The following ACAN variants were observed in gnomAD, a reference collection of about 807,000 sequenced individuals.
ACAN encodes the protein aggrecan core protein.
In ACAN, 47 loss-of-function variants were observed where a neutral mutation model predicts 169.1. The observed-to-expected ratio is 0.28, with a 90% CI of 0.22 to 0.35. The LOEUF is 0.35. Ranked by LOEUF, ACAN falls within the 10% of genes least tolerant of loss-of-function variation. The probability of loss-of-function intolerance (pLI) is 1.00; values close to 1 mark genes in which losing one functional copy is unlikely to be tolerated. For synonymous variants in ACAN, 1,115 were observed against 1,112.2 expected (o/e 1.00, Z -0.05); for missense variants, 2,716 against 2,759.9 (o/e 0.98, Z 0.36).
chr15:88,841,605 A>G, intron 4 of ACAN, 135 bp from the exon 5 acceptor site: 1 of 1,142,770 alleles, frequency 8.8e-7, no homozygotes, highest in Non-Finnish European at 1.3e-6. Context: ...TAGGCAGTTG[A>G]CATATTCAGA....
chr15:88,840,055 C>T lies in ACAN; in HGVS notation c.498C>T (p.Leu166=), dbSNP rs1338830657. ...HYRAISTRYT[L]DFDRAQRACL... is the part of the protein sequence containing the mutation. ...GAGCCATCTCTACACGCTACACCCT[C>T]GACTTTGACAGGGCGCAGCGGGCCT... Residue 166 remains leucine (L), a synonymous_variant, in exon 4 of 19, where the codon CTC becomes CTT. Transcript: ENST00000560601. The T allele has an allele frequency of 1.0e-5, 16 of 1,602,994 alleles. No individual in the cohort carries two copies. The highest frequency in any genetic ancestry group is 3.4e-5 in the Admixed American group (2 of 58,692).
chr15:88,871,548 C>T lies in ACAN; in HGVS notation c.7219+8C>T, dbSNP rs1395388215. 23 of 1,607,340 alleles carry T rather than the reference C, an allele frequency of 1.4e-5. No individual in the cohort carries two copies. In the Admixed American group the frequency reaches 1.7e-4, roughly 12 times the overall value. Reference sequence around the variant, plus strand: ...AGCAGGAGTTTGTCAACAGTGAGTGCGGCGGGGCCTCTGGAGCCTGAGAGG... The same window carrying T: ...AGCAGGAGTTTGTCAACAGTGAGTGTGGCGGGGCCTCTGGAGCCTGAGAGG... On this transcript the variant is annotated splice_region_variant and intron_variant, in intron 15 of 18. Transcript: ENST00000560601. This position sits in a 1 kb window ranked among gnomAD's most constrained non-coding sequence, Gnocchi z 7.8.
chr15:88,812,173 C>T (rs1003487299), intron 1 of ACAN, among the ~76,000 whole-genome samples: 3 of 152,136 alleles, frequency 2.0e-5, no homozygotes, highest in Non-Finnish European at 4.4e-5. Flanking sequence ...TCCCCATCTG[C>T]CCTCTTCTCT....
At position 88,849,493 on chromosome 15, in the gene ACAN, G is replaced by A; in HGVS notation, c.1788G>A (p.Glu596=). ...LEQFTFQEAL[E]FCESHNATLA... ...AGTTCACCTTCCAGGAAGCACTGGA[G>A]TTCTGTGAATCTCACAATGCTACGC... Residue 596 remains glutamate (E), a synonymous_variant, in exon 10 of 19, where the codon GAG becomes GAA. Transcript: ENST00000560601. The surrounding 1 kb of genome is among the most constrained non-coding windows in gnomAD (Gnocchi z 5.1). 4 of 1,607,700 alleles carry A rather than the reference G, an allele frequency of 2.5e-6. No homozygotes were observed. The highest frequency in any genetic ancestry group is 3.3e-4 in the Middle Eastern group (2 of 6,018).
At position 88,858,496 on chromosome 15, in the gene ACAN, G is replaced by A. The variant is rs982360973; in HGVS notation, c.5911G>A (p.Ala1971Thr). The A allele has an allele frequency of 3.1e-6, 5 of 1,613,682 alleles. No individual in the cohort carries two copies. In the African/African-American group the frequency reaches 6.7e-5, roughly 22 times the overall value. The change falls in exon 12 of 19, where the codon GCA (alanine) becomes ACA (threonine). Residue 1971 changes from alanine (A) to threonine (T), a missense_variant. Transcript: ENST00000560601. This position sits in a 1 kb window ranked among gnomAD's most constrained non-coding sequence, Gnocchi z 4.0. ...ILELSGAHSGAPDMSGEHSGF... is the reference protein window; with the variant it reads ...ILELSGAHSGTPDMSGEHSGF... ...AGAACTCAGTGGTGCTCATTCTGGA[G>A]CACCAGACATGTCTGGGGAGCATTC...
rs1234954226 is a variant in ACAN at position 88,807,094 on chromosome 15, T to C, written c.-8+3285T>C. Among the ~76,000 whole-genome samples, 2 of 152,138 alleles carry C rather than the reference T, an allele frequency of 1.3e-5. No homozygotes were observed. Among genetic ancestry groups the C allele is most frequent in the African/African-American group, 2.4e-5 (1 of 41,422 alleles). On this transcript the variant is annotated intron_variant, in intron 1 of 18. Transcript: ENST00000560601. This position sits in a 1 kb window ranked among gnomAD's most constrained non-coding sequence, Gnocchi z 4.0. ...TGTTTCTGTCTCAGAAATTTCAGCA[T>C]TGTGGCCCTAGGTGGCAGGTGCTGG...
intron 9 of ACAN, among the ~76,000 whole-genome samples, chr15:88,848,853 G>A (rs1271485092): frequency 6.6e-6 from 1 of 152,178 alleles, no homozygotes; most frequent in African/African-American, 2.4e-5. Context: ...GTTTTTTTGA[G>A]TATTAAATGA....
rs772978689 is a variant in ACAN at position 88,849,468 on chromosome 15, A to G, written c.1763A>G (p.Gln588Arg). Residue 588 changes from glutamine (Q) to arginine (R), a missense_variant, in exon 10 of 19, where the codon CAG becomes CGG. By Grantham distance (43) the Gln-to-Arg change is conservative (BLOSUM62 1). Coordinates refer to ENST00000560601, the MANE Select transcript of ACAN (RefSeq NM_001369268.1). The surrounding 1 kb of genome is among the most constrained non-coding windows in gnomAD (Gnocchi z 5.1). Reference sequence around the variant, plus strand: ...GTGTTCTTCGCCACACGCCTTGAGCAGTTCACCTTCCAGGAAGCACTGGAG... The same window carrying G: ...GTGTTCTTCGCCACACGCCTTGAGCGGTTCACCTTCCAGGAAGCACTGGAG... ...GEVFFATRLE[Q>R]FTFQEALEFC... is the part of the protein sequence containing the mutation. 3.7e-6 allele frequency: 6 copies of G among 1,603,952 alleles called. No homozygotes were observed. The highest frequency in any genetic ancestry group is 4.3e-6 in the Non-Finnish European group (5 of 1,173,448).
At position 88,872,466 on chromosome 15, in the gene ACAN, G is replaced by A. The variant is rs1386944378; in HGVS notation, c.7302+381G>A. On this transcript the variant is annotated intron_variant, in intron 16 of 18. Coordinates refer to ENST00000560601, the MANE Select transcript of ACAN (RefSeq NM_001369268.1). The surrounding 1 kb of genome is among the most constrained non-coding windows in gnomAD (Gnocchi z 5.4). The stretch of plus-strand genomic sequence containing the variant: ...ACCCAGTGATTCTCTTTGTCCTGAA[G>A]CAAGGCTGGAAGGATAAGTCTTGGG... Among the ~76,000 whole-genome samples, 1 of 152,196 alleles carries A rather than the reference G, an allele frequency of 6.6e-6. No individual in the cohort carries two copies. Among genetic ancestry groups the A allele is most frequent in the Non-Finnish European group, 1.5e-5 (1 of 68,030 alleles).
intron 1 of ACAN, among the ~76,000 whole-genome samples, chr15:88,806,346 G>C (rs937584688): frequency 1.6e-5 from 2 of 122,904 alleles, no homozygotes; most frequent in Non-Finnish European, 3.4e-5. Context: ...CTAACTTTTG[G>C]TGTGAATTTT....
intron 1 of ACAN, among the ~76,000 whole-genome samples, chr15:88,805,268 G>T (rs1447090070): frequency 1.3e-5 from 2 of 152,142 alleles, no homozygotes; most frequent in East Asian, 3.9e-4. Context: ...TCAATCACAG[G>T]CTCCAGGGAG....
intron 5 of ACAN, 47 bp downstream of exon 5, chr15:88,841,914 C>G (rs1334911713): frequency 6.2e-6 from 10 of 1,609,692 alleles, no homozygotes. Flanking sequence ...CTTCCCAAGG[C>G]CACCTTCCCC....
At position 88,838,933 on chromosome 15, in the gene ACAN, G is replaced by T; in HGVS notation, c.341G>T (p.Ser114Ile). The T allele has an allele frequency of 6.2e-7, 1 of 1,613,986 alleles. No homozygotes were observed. Among genetic ancestry groups the T allele is most frequent in the Non-Finnish European group, 8.5e-7 (1 of 1,179,898 alleles). The change falls in exon 3 of 19, where the codon AGT (serine) becomes ATT (isoleucine). Residue 114 changes from serine (S) to isoleucine (I), a missense_variant. Physicochemically the swap from Ser to Ile is moderately radical, Grantham distance 142. This residue lies in a region of ACAN where 1,283 missense variants were observed against 1,281.5 expected (regional missense o/e 1.00). Coordinates refer to ENST00000560601, the MANE Select transcript of ACAN (RefSeq NM_001369268.1). This position sits in a 1 kb window ranked among gnomAD's most constrained non-coding sequence, Gnocchi z 5.1. Reference protein sequence around the residue: ...VSLPNYPAIPSDATLEVQSLR... With the variant: ...VSLPNYPAIPIDATLEVQSLR... ...CTGCCCAACTACCCGGCCATCCCCA[G>T]TGACGCCACCTTGGAAGTCCAGAGC...
intron 1 of ACAN, among the ~76,000 whole-genome samples, chr15:88,835,336 G>C (rs1313133552): frequency 1.3e-5 from 2 of 151,882 alleles, no homozygotes; most frequent in Non-Finnish European, 2.9e-5. Flanking sequence ...TGTTAGTCAG[G>C]GTTCTCCAAG....
At position 88,868,337 on chromosome 15, in the gene ACAN, C is replaced by T. The variant is rs775283832; in HGVS notation, c.7060+8C>T. 19 of 702,278 alleles carry T rather than the reference C, an allele frequency of 2.7e-5. No homozygotes were observed. The highest frequency in any genetic ancestry group is 2.3e-4 in the Middle Eastern group (1 of 4,374). The allele number at this position is 702,278 out of a possible 1,614,324, so 43.5% of individuals were successfully genotyped here. On this transcript the variant is annotated splice_region_variant and intron_variant, in intron 14 of 18. Coordinates refer to ENST00000560601, the MANE Select transcript of ACAN (RefSeq NM_001369268.1). The surrounding 1 kb of genome is among the most constrained non-coding windows in gnomAD (Gnocchi z 5.2). ...GGGACCTGTGTGAGATTGGTACGGC[C>T]GTCTTGGCTTCAGCTAATGTTACTA...
chr15:88,806,376 G>T (rs576441250), intron 1 of ACAN, among the ~76,000 whole-genome samples: 33 of 151,108 alleles, frequency 2.2e-4, no homozygotes, highest in Middle Eastern at 3.4e-3. Flanking sequence ...TTTAAGATGG[G>T]AGTCTTGCTC....
At position 88,849,897 on chromosome 15, in the gene ACAN, C is replaced by G; in HGVS notation, c.2026+166C>G. The G allele has an allele frequency of 1.0e-6, 1 of 994,064 alleles. No individual in the cohort carries two copies. The highest frequency in any genetic ancestry group is 1.4e-5 in the South Asian group (1 of 73,140). 61.6% of individuals were successfully genotyped at this position (994,064 alleles called of 1,614,324 possible). On this transcript the variant is annotated intron_variant, in intron 10 of 18. Coordinates refer to ENST00000560601, the MANE Select transcript of ACAN (RefSeq NM_001369268.1). This position sits in a 1 kb window ranked among gnomAD's most constrained non-coding sequence, Gnocchi z 5.1. ...AACCAGCACAACGCAGGCTTTGACC[C>G]CAAGGCAAGGTCATCCTTCTAAAGT...
rs750446234 is a variant in ACAN, at chr15:88,859,347, C to T, written c.6762C>T (p.Ala2254=). The change falls in exon 12 of 19, where the codon GCC becomes GCT. Residue 2254 remains alanine, a synonymous_variant. Coordinates refer to ENST00000560601, the MANE Select transcript of ACAN (RefSeq NM_001369268.1). Reference sequence around the variant, plus strand: ...AAGAGACTCACACAGTCGAAACAGCCACCTCCCCAACAGATGCTTCCATCC... The same window carrying T: ...AAGAGACTCACACAGTCGAAACAGCTACCTCCCCAACAGATGCTTCCATCC... ...SGEETHTVET[A]TSPTDASIPA... The T allele has an allele frequency of 1.2e-6, 2 of 1,600,236 alleles. No homozygotes were observed. Among genetic ancestry groups the T allele is most frequent in the South Asian group, 2.2e-5 (2 of 89,174 alleles).
At chr15:88,853,767 TAC>T (rs1896985032) in intron 11 of ACAN, among the ~76,000 whole-genome samples, 1 of 151,920 alleles carries the variant, frequency 6.6e-6, no homozygotes, top group African/African-American at 2.4e-5. Flanking sequence ...CATACATACA[TAC>T]ATACATACAT....
Sources: allele counts gnomAD v4.1 joint callset (sites outside exome capture counted in the v4.1 genomes callset), GRCh38; gene constraint gnomAD v4.1.1; regional missense constraint gnomAD v4.1.1; non-coding constraint Gnocchi (gnomAD v3.1); transcripts MANE v1.5; gene names NCBI Gene and HGNC (gene_info 2026-07-23, HGNC 2026-07-21).